PDE8A: variants seen among roughly 807,000 people sequenced by gnomAD.
PDE8A encodes the protein phosphodiesterase 8A, also known as high affinity cAMP-specific and IBMX-insensitive 3',5'-cyclic phosphodiesterase 8A.
A neutral mutation model predicts 105.0 loss-of-function variants in PDE8A; 59 were observed. That is an observed-to-expected ratio of 0.56 (90% CI 0.46 to 0.70). The LOEUF is 0.70. Among genes scored for constraint, PDE8A ranks in the 30% least tolerant of loss-of-function variants. The pLI is 0.00. For missense variants in PDE8A, 1,014 were observed against 1,045.9 expected (o/e 0.97, Z 0.42); for synonymous variants, 355 against 371.9 (o/e 0.95, Z 0.52).
intron 1 of PDE8A, among the ~76,000 whole-genome samples, chr15:85,020,764 A>G (rs2080412378): frequency 2.0e-5 from 3 of 152,166 alleles, no homozygotes; most frequent in Admixed American, 2.0e-4. Context: ...GCCTGTATGT[A>G]TCCATATTAT....
intron 21 of PDE8A, among the ~76,000 whole-genome samples, chr15:85,136,916 C>T (rs571777945): frequency 6.6e-6 from 1 of 152,210 alleles, no homozygotes; most frequent in East Asian, 1.9e-4. Context: ...TGTAGTAGAG[C>T]AGCTAGGGTT....
intron 1 of PDE8A, 64 bp downstream of exon 1, chr15:84,982,412 C>T (rs2079730253): frequency 8.9e-7 from 1 of 1,119,452 alleles, no homozygotes; most frequent in Non-Finnish European, 1.2e-6. Context: ...AGCAACTTTC[C>T]CGCAGGGGCC....
At position 85,123,303 on chromosome 15, in the gene PDE8A, C is replaced by CT. The variant is rs1186331719; in HGVS notation, c.2085+111dup. 7.1e-6 allele frequency: 6 copies of CT among 850,526 alleles called. No homozygotes were observed. The African/African-American group carries it at 1.0e-4, about 15-fold the overall frequency. 52.7% of individuals were successfully genotyped at this position (850,526 alleles called of 1,614,324 possible). On this transcript the variant is annotated intron_variant, in intron 19 of 21. Coordinates refer to ENST00000394553, the MANE Select transcript of PDE8A (RefSeq NM_002605.3). ...CCACAGAAGGGTTCCCTCAGTGAGT[C>CT]TATTAGACTCTTACAGGGACAGAAC...
At chr15:84,995,210 C>T (rs2079955535) in intron 1 of PDE8A, among the ~76,000 whole-genome samples, 2 of 152,108 alleles carry the variant, frequency 1.3e-5, no homozygotes, top group Admixed American at 1.3e-4. Flanking sequence ...TCATTATGCT[C>T]CTTATTGGAC....
intron 6 of PDE8A, among the ~76,000 whole-genome samples, chr15:85,085,687 A>AG (rs948565637): frequency 2.7e-5 from 4 of 150,196 alleles, no homozygotes; most frequent in Non-Finnish European, 5.9e-5. Context: ...AAAAAAAAAA[A>AG]AACAGACTTG....
chr15:85,053,112 T>C (rs2081002952), intron 1 of PDE8A, among the ~76,000 whole-genome samples: 1 of 152,338 alleles, frequency 6.6e-6, no homozygotes, highest in Non-Finnish European at 1.5e-5. Flanking sequence ...GTCAGGTTTG[T>C]CAAAGATCAG....
intron 8 of PDE8A, among the ~76,000 whole-genome samples, chr15:85,094,411 G>A (rs1235791833): frequency 6.6e-6 from 1 of 152,064 alleles, no homozygotes; most frequent in African/African-American, 2.4e-5. Context: ...TCTGGCCTTT[G>A]CCCCCTACTG....
chr15:85,014,930 C>T (rs1333688938), intron 1 of PDE8A, among the ~76,000 whole-genome samples: 2 of 152,160 alleles, frequency 1.3e-5, no homozygotes, highest in African/African-American at 4.8e-5. Flanking sequence ...CCTCCTGCCC[C>T]TTTACCCGCT....
intron 1 of PDE8A, among the ~76,000 whole-genome samples, chr15:85,024,446 C>T (rs1052337160): frequency 6.6e-6 from 1 of 152,096 alleles, no homozygotes; most frequent in African/African-American, 2.4e-5. Flanking sequence ...GTTACAAGCC[C>T]CTTTCTTAGT....
chr15:85,012,839 C>A (rs1036521404), intron 1 of PDE8A, among the ~76,000 whole-genome samples: 1 of 151,568 alleles, frequency 6.6e-6, no homozygotes, highest in Non-Finnish European at 1.5e-5. Context: ...TATATAATAC[C>A]CAGTTATACA....
chr15:85,107,820 A>G (rs965755632), intron 11 of PDE8A, among the ~76,000 whole-genome samples: 1 of 152,302 alleles, frequency 6.6e-6, no homozygotes, highest in Non-Finnish European at 1.5e-5. Context: ...CATAGGAATT[A>G]ATTAAAACTA....
At chr15:84,989,154 A>G (rs999285469) in intron 1 of PDE8A, among the ~76,000 whole-genome samples, 1 of 152,182 alleles carries the variant, frequency 6.6e-6, no homozygotes, top group Non-Finnish European at 1.5e-5. Flanking sequence ...AAAGAGTGGT[A>G]GAGTATCATG....
At chr15:85,104,292 A>T (rs1158982135) in intron 11 of PDE8A, among the ~76,000 whole-genome samples, 1 of 152,126 alleles carries the variant, frequency 6.6e-6, no homozygotes, top group Non-Finnish European at 1.5e-5. Context: ...GATGATGATG[A>T]TGGTTGACCT....
chr15:85,064,331 C>G, intron 1 of PDE8A, 39 bp from the exon 2 acceptor site: 1 of 1,485,934 alleles, frequency 6.7e-7, no homozygotes, highest in Non-Finnish European at 9.3e-7. Context: ...TCTCTTTCTC[C>G]GTTGTCTTTT....
chr15:84,997,553 A>G (rs1438624041), intron 1 of PDE8A, among the ~76,000 whole-genome samples: 2 of 151,878 alleles, frequency 1.3e-5, no homozygotes, highest in Admixed American at 6.6e-5. Flanking sequence ...TAATTTCTTC[A>G]GAACATTTAT....
chr15:85,013,988 C>G (rs1013313966), intron 1 of PDE8A, among the ~76,000 whole-genome samples: 1 of 152,168 alleles, frequency 6.6e-6, no homozygotes. Flanking sequence ...AAAGCAGAAG[C>G]TACAATGCCC....
chr15:84,997,072 A>G (rs2079991225), intron 1 of PDE8A, among the ~76,000 whole-genome samples: 1 of 152,122 alleles, frequency 6.6e-6, no homozygotes, highest in East Asian at 1.9e-4. Flanking sequence ...TTTACTTTAT[A>G]AAGTTTTTTT....
At chr15:85,105,644 G>T (rs1015648247) in intron 11 of PDE8A, among the ~76,000 whole-genome samples, 4 of 152,156 alleles carry the variant, frequency 2.6e-5, no homozygotes, top group Non-Finnish European at 5.9e-5. Flanking sequence ...GAAAGGGTGG[G>T]CAGAGTTTAT....
At chr15:85,041,088 T>C (rs2080800233) in intron 1 of PDE8A, among the ~76,000 whole-genome samples, 1 of 152,312 alleles carries the variant, frequency 6.6e-6, no homozygotes, top group East Asian at 1.9e-4. Context: ...TTCTGGGTTG[T>C]AGGGTAATGC....
Sources: gnomAD v4.1 joint callset for allele counts (sites outside exome capture counted in the v4.1 genomes callset) on GRCh38, gnomAD v4.1.1 for gene constraint, MANE v1.5 for transcripts, NCBI Gene and HGNC (gene_info 2026-07-23, HGNC 2026-07-21) for gene names.